Variants in OGFOD3 observed in about 807,000 individuals in gnomAD.
OGFOD3 encodes 2-oxoglutarate and iron-dependent oxygenase domain-containing protein 3.
Under a neutral mutation model 39.8 loss-of-function variants are expected in OGFOD3, and 35 were observed. The observed-to-expected ratio is 0.88, with a 90% confidence interval of 0.67 to 1.17. The LOEUF is 1.17. Among genes scored for constraint, OGFOD3 ranks in the 50% most tolerant of loss-of-function variants. The probability of loss-of-function intolerance (pLI) is 0.00; values close to 1 mark genes in which losing one functional copy is unlikely to be tolerated. For missense variants in OGFOD3, 438 were observed against 454.5 expected, an observed-to-expected ratio of 0.96 and a Z score of 0.33; for synonymous variants, 200 against 192.0, an observed-to-expected ratio of 1.04 and a Z score of -0.34.
intron 7 of OGFOD3, 48 bp from the exon 8 acceptor site, chr17:82,398,367 G>C (rs1269019744): frequency 6.2e-7 from 1 of 1,609,782 alleles, no homozygotes; most frequent in Non-Finnish European, 8.5e-7. Flanking sequence ...CTCAGCATGC[G>C]ACCAGGGCAG....
intron 2 of OGFOD3, among the ~76,000 whole-genome samples, chr17:82,414,376 G>A (rs561197516): frequency 2.6e-5 from 4 of 152,318 alleles, no homozygotes; most frequent in East Asian, 1.9e-4. Context: ...GGCCTCAAGC[G>A]ATCCTCCTGC....
chr17:82,406,848 C>T lies in OGFOD3; in HGVS notation c.424-366G>A, dbSNP rs2052864062. ...AACTCCGGGGCTCAAGTGATCCTCC[C>T]ACCTCAGCCTCCCAAAGTACTGGGA... On this transcript the variant is annotated intron_variant, in intron 4 of 8. Coordinates refer to ENST00000313056, the MANE Select transcript of OGFOD3 (RefSeq NM_024648.3). The surrounding 1 kb of genome is among the most constrained non-coding windows in gnomAD (Gnocchi z 5.2). Among the ~76,000 whole-genome samples, 1 of 152,180 alleles carries T rather than the reference C, an allele frequency of 6.6e-6. No individual in the cohort carries two copies. Among genetic ancestry groups the T allele is most frequent in the Admixed American group, 6.5e-5 (1 of 15,280 alleles).
chr17:82,394,437 A>G (rs1407112120), intron 8 of OGFOD3: 2 of 1,613,424 alleles, frequency 1.2e-6, no homozygotes, highest in African/African-American at 2.7e-5. Context: ...GCGGGTGGTG[A>G]GTCCCCGGAG....
chr17:82,396,238 ACACAATTAGACAGATGTATGAC>A (rs2143192774), intron 8 of OGFOD3, among the ~76,000 whole-genome samples: 1 of 147,860 alleles, frequency 6.8e-6, no homozygotes, highest in South Asian at 2.2e-4. Context: ...ACATAGATAC[ACACAATTAGACAGATGTATGAC>A]ATCAAATCGC....
chr17:82,398,116 T>C, intron 8 of OGFOD3, 80 bp downstream of exon 8: 2 of 1,563,090 alleles, frequency 1.3e-6, no homozygotes, highest in Non-Finnish European at 1.8e-6. Context: ...TCAGCCTCGC[T>C]CCCAGGGACA....
In OGFOD3 at chr17:82,415,359, C is replaced by T. The variant is rs369926037; in HGVS notation, c.304+39G>A. 2 of 1,584,304 alleles carry T rather than the reference C, an allele frequency of 1.3e-6. No homozygotes were observed. Among genetic ancestry groups the T allele is most frequent in the Non-Finnish European group, 1.7e-6 (2 of 1,156,066 alleles). ...CGTCGCAGCCAATGTCCTTTAACCA[C>T]ACTGAGTCTCATTTTAAAGTGTTGC... On this transcript the variant is annotated intron_variant, in intron 2 of 8. Coordinates refer to ENST00000313056, the MANE Select transcript of OGFOD3 (RefSeq NM_024648.3). The surrounding 1 kb of genome is among the most constrained non-coding windows in gnomAD (Gnocchi z 5.3).
intron 8 of OGFOD3, among the ~76,000 whole-genome samples, chr17:82,397,293 A>G (rs2143199496): frequency 6.7e-6 from 1 of 149,904 alleles, no homozygotes; most frequent in Middle Eastern, 3.4e-3. Flanking sequence ...CCCACAGGTG[A>G]GGGCAGTGCC....
intron 2 of OGFOD3, among the ~76,000 whole-genome samples, chr17:82,413,228 C>T (rs751720979): frequency 3.3e-4 from 50 of 152,200 alleles, no homozygotes; most frequent in Non-Finnish European, 5.3e-4. Flanking sequence ...AGGCCCGTGG[C>T]GCAGCCTCTG....
At chr17:82,409,705 G>C (rs960272000) in intron 3 of OGFOD3, among the ~76,000 whole-genome samples, 4 of 152,192 alleles carry the variant, frequency 2.6e-5, no homozygotes, top group Non-Finnish European at 2.9e-5. Flanking sequence ...GACCAGCCTG[G>C]CCAACATGGT....
intron 2 of OGFOD3, among the ~76,000 whole-genome samples, chr17:82,412,890 G>A (rs1014874004): frequency 4.6e-5 from 7 of 152,180 alleles, no homozygotes; most frequent in African/African-American, 9.7e-5. Flanking sequence ...GAGCCTGGAC[G>A]TGGAGCATCC....
chr17:82,394,389 C>G, intron 8 of OGFOD3: 1 of 1,604,584 alleles, frequency 6.2e-7, no homozygotes, highest in Non-Finnish European at 8.5e-7. Context: ...AAGCAATGCT[C>G]TCAGCTTCCA....
intron 4 of OGFOD3, among the ~76,000 whole-genome samples, chr17:82,408,994 CG>C (rs2052899933): frequency 6.6e-6 from 1 of 152,154 alleles, no homozygotes; most frequent in Non-Finnish European, 1.5e-5. Context: ...TGCTGTTTCC[CG>C]GCAGCTCCAC....
chr17:82,412,179 C>T (rs1212806414), intron 2 of OGFOD3, among the ~76,000 whole-genome samples: 1 of 152,152 alleles, frequency 6.6e-6, no homozygotes, highest in Admixed American at 6.5e-5. Context: ...CAGGGCACAG[C>T]GAACTGCTCC....
Position 82,406,935 on chromosome 17 carries a change from C to T in OGFOD3, c.424-453G>A, listed in dbSNP as rs182304794. 1.1e-4 allele frequency among the ~76,000 whole-genome samples: 17 copies of T among 152,250 alleles called. No individual in the cohort carries two copies. Among genetic ancestry groups the T allele is most frequent in the African/African-American group, 3.9e-4 (16 of 41,554 alleles). The stretch of plus-strand genomic sequence containing the variant: ...GGACTTTCTTAAAATCCTCCCAGAC[C>T]GGCCAGACGTGGTGGCTCACACCTG... On this transcript the variant is annotated intron_variant, in intron 4 of 8. Transcript: ENST00000313056. The surrounding 1 kb of genome is among the most constrained non-coding windows in gnomAD (Gnocchi z 5.2).
intron 8 of OGFOD3, chr17:82,394,512 C>A: frequency 6.2e-7 from 1 of 1,612,936 alleles, no homozygotes; most frequent in South Asian, 1.1e-5. Flanking sequence ...CTTCTTGGAA[C>A]CCACAAGACA....
intron 1 of OGFOD3, 40 bp downstream of exon 1, chr17:82,418,372 C>T (rs1234979433): frequency 6.4e-6 from 9 of 1,412,094 alleles, no homozygotes; most frequent in Non-Finnish European, 8.5e-6. Context: ...ATGGCCCTGT[C>T]CGCCGCCGCA....
chr17:82,405,949 AAAT>A lies in OGFOD3; in HGVS notation c.488+466_488+468del, dbSNP rs945618595. Among the ~76,000 whole-genome samples, 5 of 151,972 alleles carry A rather than the reference AAAT, an allele frequency of 3.3e-5. No individual in the cohort carries two copies. In the South Asian group the frequency reaches 6.2e-4, roughly 19 times the overall value. On this transcript the variant is annotated intron_variant, in intron 5 of 8. Transcript: ENST00000313056. ...GGCGACAGAGCAAGATTCCATCTCA[AAAT>A]AATAATAATAATAATAAAAACAAGG...
At position 82,404,890 on chromosome 17, in the gene OGFOD3, G is replaced by A. The variant is rs528719251; in HGVS notation, c.545+434C>T. ...GGGGTAGCTGGGATTACAGGCACCC[G>A]CCACCGCACCCAACTAATTTTTGTA... On this transcript the variant is annotated intron_variant, in intron 6 of 8. Transcript: ENST00000313056. This position sits in a 1 kb window ranked among gnomAD's most constrained non-coding sequence, Gnocchi z 4.5. Among the ~76,000 whole-genome samples, 51 of 151,754 alleles carry A rather than the reference G, an allele frequency of 3.4e-4. No homozygotes were observed. Among genetic ancestry groups the A allele is most frequent in the Non-Finnish European group, 2.5e-4 (17 of 67,806 alleles).
intron 7 of OGFOD3, among the ~76,000 whole-genome samples, chr17:82,399,879 C>T (rs1011528913): frequency 6.6e-6 from 1 of 152,202 alleles, no homozygotes; most frequent in Non-Finnish European, 1.5e-5. Context: ...CATAAGCACA[C>T]CCAGACCAGG....
Sources: allele counts gnomAD v4.1 joint callset (sites outside exome capture counted in the v4.1 genomes callset), GRCh38; gene constraint gnomAD v4.1.1; non-coding constraint Gnocchi (gnomAD v3.1); transcripts MANE v1.5; gene names NCBI Gene and HGNC (gene_info 2026-07-23, HGNC 2026-07-21).